Variants in ASPHD1 observed in about 807,000 individuals in gnomAD.
ASPHD1 encodes the protein aspartate beta-hydroxylase domain containing 1.
A neutral mutation model predicts 28.3 loss-of-function variants in ASPHD1; 20 were observed. That is an observed-to-expected ratio of 0.71 (90% CI 0.50 to 1.03). ASPHD1 has a LOEUF of 1.03. Ranked by LOEUF, ASPHD1 falls within the 50% of genes least tolerant of loss-of-function variation. ASPHD1 has a pLI of 0.00. For missense variants in ASPHD1, 479 were observed against 524.1 expected, an observed-to-expected ratio of 0.91 and a Z score of 0.84; for synonymous variants, 240 against 221.2, an observed-to-expected ratio of 1.08 and a Z score of -0.75.
At chr16:29,906,712 A>T (rs901699271), downstream of ASPHD1, 10 of 685,370 alleles carry the variant, frequency 1.5e-5, no homozygotes, top group Non-Finnish European at 2.6e-5. Context: ...TGGGGTTGGG[A>T]TGGGTGGAGA....
chr16:29,902,003 G>GTGCC, intron 1 of ASPHD1, 83 bp downstream of exon 1: 3 of 1,151,322 alleles, frequency 2.6e-6, no homozygotes, highest in Non-Finnish European at 3.4e-6. Flanking sequence ...GCCGTCTGCT[G>GTGCC]TCTGGTTCTC....
At chr16:29,915,316 T>C (rs1164779804) in intron 3 of ASPHD1, 1 of 152,194 alleles carries the variant, frequency 6.6e-6, no homozygotes, top group Non-Finnish European at 1.5e-5. Flanking sequence ...GTATCTTGCA[T>C]GTCTTAGGGT....
intron 3 of ASPHD1, among the ~76,000 whole-genome samples, chr16:29,918,352 G>A (rs891434905): frequency 2.6e-5 from 4 of 152,188 alleles, no homozygotes; most frequent in African/African-American, 9.7e-5. Context: ...CATTAATGAC[G>A]AGTCATATTA....
chr16:29,907,120 C>A, downstream of ASPHD1: 1 of 1,574,058 alleles, frequency 6.4e-7, no homozygotes, highest in Non-Finnish European at 8.7e-7. Flanking sequence ...TGCAAAAGGC[C>A]AGCCGGCCCC....
chr16:29,907,225 C>T (rs2150831757), downstream of ASPHD1: 2 of 672,620 alleles, frequency 3.0e-6, no homozygotes, highest in East Asian at 5.3e-5. Context: ...GGTCCTTGGG[C>T]CTGGCCTGGC....
downstream of ASPHD1, among the ~76,000 whole-genome samples, chr16:29,909,290 A>G (rs889295683): frequency 5.3e-5 from 8 of 152,216 alleles, no homozygotes; most frequent in Non-Finnish European, 1.2e-4. Context: ...GGTGACCCAA[A>G]GAAAGTGATG....
In ASPHD1 at chr16:29,901,438, G is replaced by T; in HGVS notation, c.467G>T (p.Arg156Leu). ...CGGCGGCTTCGGGCCTACGCAAGGC[G>T]CTACTCCTGGGCTGGGATGGGTAGA... ...VSRRLRAYAR[R>L]YSWAGMGRVR... The change falls in exon 1 of 3, where the codon CGC becomes CTC. Residue 156 changes from arginine (R) to leucine (L), a missense_variant. Physicochemically the swap from Arg to Leu is moderately radical, Grantham distance 102 (BLOSUM62 -2). Transcript: ENST00000308748. This position sits in a 1 kb window ranked among gnomAD's most constrained non-coding sequence, Gnocchi z 5.1. 1.9e-6 allele frequency: 3 copies of T among 1,603,596 alleles called. No individual in the cohort carries two copies. Among genetic ancestry groups the T allele is most frequent in the Non-Finnish European group, 2.6e-6 (3 of 1,176,410 alleles).
chr16:29,905,696 T>G, intron 2 of ASPHD1, 92 bp from the exon 3 acceptor site: 1 of 753,200 alleles, frequency 1.3e-6, no homozygotes, highest in Non-Finnish European at 2.3e-6. Flanking sequence ...CTGCCACTTA[T>G]TTACTGTTTG....
downstream of ASPHD1, chr16:29,906,698 G>T: frequency 1.5e-6 from 1 of 686,852 alleles, no homozygotes. Context: ...CATGTTGTTA[G>T]CAATGGGGTT....
At chr16:29,917,433 G>A (rs948812447) in intron 3 of ASPHD1, among the ~76,000 whole-genome samples, 1 of 152,056 alleles carries the variant, frequency 6.6e-6, no homozygotes, top group Non-Finnish European at 1.5e-5. Flanking sequence ...GATCGCTTGA[G>A]CTCAGGAGTT....
chr16:29,900,632 T>A lies in ASPHD1; in HGVS notation c.-340T>A, dbSNP rs534631010. 55 of 348,460 alleles carry A rather than the reference T, an allele frequency of 1.6e-4. No individual in the cohort carries two copies. The highest frequency in any genetic ancestry group is 1.2e-3 in the Admixed American group (27 of 22,048). 21.6% of individuals were successfully genotyped at this position (348,460 alleles called of 1,614,324 possible). ...GCGAGAGCCAGGCAGGACCGCAGGG[T>A]CGGGGCTAGTGAGGAGCGAGGGCAA... On this transcript the variant is annotated 5_prime_UTR_variant, in exon 1 of 3. Transcript: ENST00000308748.
Position 29,901,350 on chromosome 16 carries a change from G to A in ASPHD1, c.379G>A (p.Gly127Arg). Reference protein sequence around the residue: ...GGPVGCSEAGGPSPGGPGDPG... With the variant: ...GGPVGCSEAGRPSPGGPGDPG... ...GCCTGTGGGATGCTCGGAGGCCGGC[G>A]GGCCAAGCCCAGGGGGTCCTGGGGA... Residue 127 changes from glycine (G) to arginine (R), a missense_variant, in exon 1 of 3, where the codon GGG becomes AGG. Coordinates refer to ENST00000308748, the MANE Select transcript of ASPHD1 (RefSeq NM_181718.4). This position sits in a 1 kb window ranked among gnomAD's most constrained non-coding sequence, Gnocchi z 5.1. 6.2e-7 allele frequency: 1 copy of A among 1,601,066 alleles called. No individual in the cohort carries two copies. Among genetic ancestry groups the A allele is most frequent in the Non-Finnish European group, 8.5e-7 (1 of 1,174,732 alleles).
At chr16:29,911,877 G>C in intron 3 of ASPHD1, 1 of 1,612,350 alleles carries the variant, frequency 6.2e-7, no homozygotes, top group Non-Finnish European at 8.5e-7. Flanking sequence ...GCTGGCGGGG[G>C]AGAGAGGATG....
chr16:29,917,423 G>A (rs1203836207), intron 3 of ASPHD1, among the ~76,000 whole-genome samples: 2 of 152,156 alleles, frequency 1.3e-5, no homozygotes, highest in Non-Finnish European at 2.9e-5. Context: ...GAAGTGGGCA[G>A]ATCGCTTGAG....
exon 4 of ASPHD1, chr16:29,919,622 G>C (rs966388667): frequency 6.6e-6 from 1 of 152,168 alleles, no homozygotes; most frequent in Admixed American, 6.5e-5. Context: ...AGAAACCGGA[G>C]TATGCCCTGG....
intron 3 of ASPHD1, among the ~76,000 whole-genome samples, chr16:29,917,151 T>C (rs1226140730): frequency 6.6e-6 from 1 of 152,164 alleles, no homozygotes. Flanking sequence ...GGGAGGGGAC[T>C]GAACAAGAGC....
chr16:29,919,759 A>G (rs1470708441), downstream of ASPHD1: 3 of 152,154 alleles, frequency 2.0e-5, no homozygotes, highest in Non-Finnish European at 4.4e-5. Flanking sequence ...ACACACACAC[A>G]TACTCTCACA....
intron 3 of ASPHD1, among the ~76,000 whole-genome samples, chr16:29,918,047 G>A (rs1228988159): frequency 6.6e-6 from 1 of 152,206 alleles, no homozygotes; most frequent in Non-Finnish European, 1.5e-5. Flanking sequence ...AAAAAATGGT[G>A]AGGAATTGGA....
Position 29,901,955 on chromosome 16 carries a change from C to A in ASPHD1, c.949+35C>A. 2 of 1,427,262 alleles carry A rather than the reference C, an allele frequency of 1.4e-6. No homozygotes were observed. The highest frequency in any genetic ancestry group is 1.8e-6 in the Non-Finnish European group (2 of 1,087,192). The allele number at this position is 1,427,262 out of a possible 1,614,324, so 88.4% of individuals were successfully genotyped here. ...TGCCGCCTACTGACAACCTCCTTGC[C>A]TCGATGATTTCCCCCCCAGACCCTT... On this transcript the variant is annotated intron_variant, in intron 1 of 2. Transcript: ENST00000308748. The surrounding 1 kb of genome is among the most constrained non-coding windows in gnomAD (Gnocchi z 5.1).
Sources: allele counts gnomAD v4.1 joint callset (sites outside exome capture counted in the v4.1 genomes callset), GRCh38; gene constraint gnomAD v4.1.1; non-coding constraint Gnocchi (gnomAD v3.1); transcripts MANE v1.5; gene names NCBI Gene and HGNC (gene_info 2026-07-23, HGNC 2026-07-21).